CAMK1D: variants seen among roughly 807,000 people sequenced by gnomAD.
The protein encoded by CAMK1D is calcium/calmodulin-dependent protein kinase type 1D.
In CAMK1D, 9 loss-of-function variants were observed where a neutral mutation model predicts 47.7. The ratio of observed to expected loss-of-function variants is 0.19; its 90% CI spans 0.11 to 0.33. CAMK1D has a LOEUF of 0.33. Among genes scored for constraint, CAMK1D ranks in the 10% least tolerant of loss-of-function variants. The pLI is 1.00. For missense variants in CAMK1D, 291 were observed against 488.7 expected (o/e 0.60, Z 3.81); for synonymous variants, 184 against 184.9 (o/e 0.99, Z 0.04).
intron 1 of CAMK1D, among the ~76,000 whole-genome samples, chr10:12,419,958 C>CT (rs35190654): frequency 0.028 from 4,006 of 145,438 alleles, 82 homozygotes; most frequent in African/African-American, 0.065. Context: ...ATCTATGTAA[C>CT]TTTTTTTTTT....
At chr10:12,513,195 T>G (rs1288260062) in intron 1 of CAMK1D, among the ~76,000 whole-genome samples, 2 of 152,202 alleles carry the variant, frequency 1.3e-5, no homozygotes, top group African/African-American at 4.8e-5. Context: ...ACAAGAGGCC[T>G]TCCTGAATGT....
intron 1 of CAMK1D, among the ~76,000 whole-genome samples, chr10:12,418,471 C>T (rs180812680): frequency 3.5e-4 from 53 of 152,126 alleles, no homozygotes; most frequent in African/African-American, 1.2e-3. Flanking sequence ...AGCTGGGCAC[C>T]GTGGCATATG....
Position 12,644,413 on chromosome 10 carries a change from A to G in CAMK1D, c.225-22323A>G, listed in dbSNP as rs183073631. On this transcript the variant is annotated intron_variant, in intron 2 of 10. Coordinates refer to ENST00000619168, the MANE Select transcript of CAMK1D (RefSeq NM_153498.4). ...TTCCCTTCATTTTTTGCGACCCATC[A>G]AAGAACTCACAGCGTCTTAATGTGC... is the stretch of plus-strand genomic sequence containing the variant. Among the ~76,000 whole-genome samples the G allele has an allele frequency of 1.3e-3, 191 of 152,342 alleles. 2 individuals are homozygous for G. Among genetic ancestry groups the G allele is most frequent in the African/African-American group, 4.4e-3 (185 of 41,576 alleles).
chr10:12,832,217 T>C lies in CAMK1D; in HGVS notation c.*3330T>C, dbSNP rs895653598. ...GATCTTCATCTCATACGTGAGGCAA[T>C]AGGAGGAGTTTCTATTCATTGAGAC... On this transcript the variant is annotated 3_prime_UTR_variant, in exon 11 of 11. Transcript: ENST00000619168. The C allele has an allele frequency of 6.6e-6, 1 of 152,294 alleles. No individual in the cohort carries two copies. The highest frequency in any genetic ancestry group is 1.5e-5 in the Non-Finnish European group (1 of 68,196). The allele number at this position is 152,294 out of a possible 1,614,324, so 9.4% of individuals were successfully genotyped here.
intron 1 of CAMK1D, among the ~76,000 whole-genome samples, chr10:12,363,738 C>T (rs551511783): frequency 3.4e-4 from 51 of 148,704 alleles, no homozygotes; most frequent in Admixed American, 6.0e-4. Context: ...GCACGATCTC[C>T]GCTCACTGCA....
At chr10:12,807,005 C>T (rs1006447621) in intron 6 of CAMK1D, among the ~76,000 whole-genome samples, 2 of 152,138 alleles carry the variant, frequency 1.3e-5, no homozygotes, top group African/African-American at 2.4e-5. Flanking sequence ...GGTCTGTGTG[C>T]GACCCCTGAG....
At chr10:12,417,322 G>C (rs1200793263) in intron 1 of CAMK1D, among the ~76,000 whole-genome samples, 2 of 152,182 alleles carry the variant, frequency 1.3e-5, no homozygotes, top group African/African-American at 2.4e-5. Flanking sequence ...CTGTGGATTT[G>C]GGTGATGCTC....
At chr10:12,427,763 A>G (rs1840302278) in intron 1 of CAMK1D, among the ~76,000 whole-genome samples, 1 of 109,058 alleles carries the variant, frequency 9.2e-6, no homozygotes, top group South Asian at 3.2e-4. Flanking sequence ...GCTGGAGTGC[A>G]GTGGCATGAC....
In CAMK1D at chr10:12,497,269, G is replaced by A. The variant is rs576307211; in HGVS notation, c.93-55956G>A. On this transcript the variant is annotated intron_variant, in intron 1 of 10. Coordinates refer to ENST00000619168, the MANE Select transcript of CAMK1D (RefSeq NM_153498.4). ...CGAAGCCGGAGGATCACGAGATCAA[G>A]AAATTGAGACCTTCCTGGCCACCAT... Among the ~76,000 whole-genome samples the A allele has an allele frequency of 7.2e-5, 11 of 152,196 alleles. No individual in the cohort carries two copies. In the South Asian group the frequency reaches 2.3e-3, roughly 32 times the overall value.
chr10:12,827,653 CT>C (rs1179265421), intron 10 of CAMK1D, among the ~76,000 whole-genome samples: 2 of 10,036 alleles, frequency 2.0e-4, no homozygotes, highest in African/African-American at 4.0e-4. Flanking sequence ...CCCCTCTCCT[CT>C]CTCCTCTCTC....
At chr10:12,424,297 C>T (rs149135143) in intron 1 of CAMK1D, among the ~76,000 whole-genome samples, 65 of 152,282 alleles carry the variant, frequency 4.3e-4, no homozygotes, top group African/African-American at 1.5e-3. Flanking sequence ...TCCGTGTGGC[C>T]TGACATTCTC....
intron 2 of CAMK1D, among the ~76,000 whole-genome samples, chr10:12,641,630 A>AT (rs1839669592): frequency 6.6e-6 from 1 of 151,908 alleles, no homozygotes; most frequent in African/African-American, 2.4e-5. Context: ...AAAAAAAAAA[A>AT]GCAAAGAAAA....
At chr10:12,529,519 A>G (rs1324652332) in intron 1 of CAMK1D, among the ~76,000 whole-genome samples, 2 of 152,116 alleles carry the variant, frequency 1.3e-5, no homozygotes, top group African/African-American at 4.8e-5. Flanking sequence ...CTCCTTATGA[A>G]TCTGTATTTC....
chr10:12,554,805 G>A (rs964267693), intron 2 of CAMK1D, among the ~76,000 whole-genome samples: 1 of 152,014 alleles, frequency 6.6e-6, no homozygotes, highest in African/African-American at 2.4e-5. Flanking sequence ...CAGCCTCCCA[G>A]ATTGCTGGGA....
At chr10:12,561,490 C>A (rs949894546) in intron 2 of CAMK1D, among the ~76,000 whole-genome samples, 6 of 152,036 alleles carry the variant, frequency 3.9e-5, no homozygotes, top group African/African-American at 1.4e-4. Flanking sequence ...AGAGTCCCGC[C>A]TTATTTAGTG....
chr10:12,530,750 C>G (rs968917382), intron 1 of CAMK1D, among the ~76,000 whole-genome samples: 1 of 151,992 alleles, frequency 6.6e-6, no homozygotes, highest in South Asian at 2.1e-4. Context: ...AAATTAGAGA[C>G]TGAGGTAATC....
At chr10:12,696,203 G>A (rs184419197) in intron 3 of CAMK1D, among the ~76,000 whole-genome samples, 14 of 152,084 alleles carry the variant, frequency 9.2e-5, no homozygotes, top group African/African-American at 3.4e-4. Context: ...TTCAATAATT[G>A]TCCTGGGGTG....
At chr10:12,823,276 G>A (rs1833079185) in intron 8 of CAMK1D, among the ~76,000 whole-genome samples, 1 of 152,134 alleles carries the variant, frequency 6.6e-6, no homozygotes, top group Non-Finnish European at 1.5e-5. Flanking sequence ...CATAACGTTG[G>A]TTTCTGACTC....
intron 2 of CAMK1D, among the ~76,000 whole-genome samples, chr10:12,613,844 T>G (rs1031473242): frequency 6.6e-6 from 1 of 152,140 alleles, no homozygotes. Flanking sequence ...GAGTTGTGTG[T>G]TTTTTCTTCA....
Sources: gnomAD v4.1 joint callset for allele counts (sites outside exome capture counted in the v4.1 genomes callset) on GRCh38, gnomAD v4.1.1 for gene constraint, MANE v1.5 for transcripts, NCBI Gene and HGNC (gene_info 2026-07-23, HGNC 2026-07-21) for gene names.